Variants in PCDHGB5 observed in about 807,000 individuals in gnomAD.
The protein encoded by PCDHGB5 is protocadherin gamma subfamily B, 5, also known as protocadherin gamma-B5.
Under a neutral mutation model 62.9 loss-of-function variants are expected in PCDHGB5, and 48 were observed. That is an observed-to-expected ratio of 0.76 (90% CI 0.61 to 0.97). The LOEUF is 0.97. Ranked by LOEUF, PCDHGB5 falls within the 50% of genes least tolerant of loss-of-function variation. The pLI is 0.00. For missense variants in PCDHGB5, 1,118 were observed against 1,198.6 expected, an observed-to-expected ratio of 0.93 and a Z score of 0.99; for synonymous variants, 474 against 511.2, an observed-to-expected ratio of 0.93 and a Z score of 0.98.
chr5:141,486,150 G>T lies in PCDHGB5; in HGVS notation c.2398-8657G>T. The T allele has an allele frequency of 6.2e-7, 1 of 1,614,180 alleles. No individual in the cohort carries two copies. The highest frequency in any genetic ancestry group is 8.5e-7 in the Non-Finnish European group (1 of 1,180,030). On this transcript the variant is annotated intron_variant, in intron 1 of 3. Transcript: ENST00000617380. This position sits in a 1 kb window ranked among gnomAD's most constrained non-coding sequence, Gnocchi z 5.0. The stretch of plus-strand genomic sequence containing the variant: ...TTTGATGTGCGGGCTCGCGATGGGG[G>T]TTCTCCAGCCATGGAGCAACATTGC...
At position 141,431,495 on chromosome 5, in the gene PCDHGB5, G is replaced by A. The variant is rs557611439; in HGVS notation, c.2397+30971G>A. The A allele has an allele frequency of 4.3e-6, 7 of 1,613,864 alleles. No homozygotes were observed. The highest frequency in any genetic ancestry group is 1.1e-5 in the South Asian group (1 of 91,092). On this transcript the variant is annotated intron_variant, in intron 1 of 3. Coordinates refer to ENST00000617380, the MANE Select transcript of PCDHGB5 (RefSeq NM_018925.3). This position sits in a 1 kb window ranked among gnomAD's most constrained non-coding sequence, Gnocchi z 4.8. ...CAACGCACCAGCGTTTGCTCAGCCC[G>A]AGTACCGCGCGAGCGTTCCGGAGAA...
intron 1 of PCDHGB5, chr5:141,418,920 A>G: frequency 6.2e-7 from 1 of 1,613,992 alleles, no homozygotes; most frequent in Non-Finnish European, 8.5e-7. Flanking sequence ...TCACTCTCTG[A>G]TCAGATTATG....
chr5:141,457,301 CCAAA>C (rs1163780799), intron 1 of PCDHGB5, among the ~76,000 whole-genome samples: 1 of 152,090 alleles, frequency 6.6e-6, no homozygotes, highest in Non-Finnish European at 1.5e-5. Context: ...TTTTATTTTC[CCAAA>C]CAAAGAAACC....
rs755576652 is a variant in PCDHGB5 at position 141,410,511 on chromosome 5, G to A, written c.2397+9987G>A. 4.3e-6 allele frequency: 7 copies of A among 1,613,942 alleles called. No individual in the cohort carries two copies. In the Admixed American group the frequency reaches 8.3e-5, roughly 19 times the overall value. On this transcript the variant is annotated intron_variant, in intron 1 of 3. Transcript: ENST00000617380. ...AAAGAGTTTAATTTCCTAAAATGCA[G>A]TGTGCCCCTACATTCCAATGAAGAC... is the stretch of plus-strand genomic sequence containing the variant.
Position 141,399,447 on chromosome 5 carries a change from C to CAT in PCDHGB5, c.1320_1321insAT (p.Val441MetfsTer15). 6.2e-7 allele frequency: 1 copy of CAT among 1,614,006 alleles called. No individual in the cohort carries two copies. The highest frequency in any genetic ancestry group is 8.5e-7 in the Non-Finnish European group (1 of 1,179,884). Reference sequence around the variant, plus strand: ...TAAGCGTCATCCTACATATCAGAGACGTCAACGATAACGCTCCGGTTTTCC... The same window carrying CAT: ...TAAGCGTCATCCTACATATCAGAGACATGTCAACGATAACGCTCCGGTTTTCC... On this transcript the variant is annotated frameshift_variant, in exon 1 of 4. Coordinates refer to ENST00000617380, the MANE Select transcript of PCDHGB5 (RefSeq NM_018925.3). LOFTEE classifies it high-confidence loss of function.
chr5:141,406,331 C>T lies in PCDHGB5; in HGVS notation c.2397+5807C>T, dbSNP rs577134835. 6.6e-5 allele frequency among the ~76,000 whole-genome samples: 10 copies of T among 152,002 alleles called. No homozygotes were observed. In the East Asian group the frequency reaches 1.3e-3, roughly 21 times the overall value. ...CTCACCCAGCAAATTCTTACTCCTA[C>T]GATCATTTATTCAGGTCATACTATG... On this transcript the variant is annotated intron_variant, in intron 1 of 3. Coordinates refer to ENST00000617380, the MANE Select transcript of PCDHGB5 (RefSeq NM_018925.3).
intron 1 of PCDHGB5, chr5:141,419,373 TGTCC>T (rs761256298): frequency 6.2e-7 from 1 of 1,613,754 alleles, no homozygotes; most frequent in South Asian, 1.1e-5. Context: ...TCGTCCTACG[TGTCC>T]GTGAGCGCGC....
intron 1 of PCDHGB5, among the ~76,000 whole-genome samples, chr5:141,406,353 T>G (rs1380718525): frequency 6.6e-6 from 1 of 152,196 alleles, no homozygotes; most frequent in Admixed American, 6.5e-5. Context: ...CAGGTCATAC[T>G]ATGTTTGTAA....
At chr5:141,504,660 C>T (rs1002186811) in intron 2 of PCDHGB5, among the ~76,000 whole-genome samples, 8 of 101,980 alleles carry the variant, frequency 7.8e-5, no homozygotes, top group Admixed American at 5.7e-4. Flanking sequence ...TGTTTGAGGG[C>T]GGGGGGTGGG....
Position 141,485,609 on chromosome 5 carries a change from G to C in PCDHGB5, c.2398-9198G>C, listed in dbSNP as rs1432367043. On this transcript the variant is annotated intron_variant, in intron 1 of 3. Coordinates refer to ENST00000617380, the MANE Select transcript of PCDHGB5 (RefSeq NM_018925.3). The surrounding 1 kb of genome is among the most constrained non-coding windows in gnomAD (Gnocchi z 5.7). ...GCTGGACTTGGAAATTGGGGAGGCA[G>C]CTCCTCCAGGACAGCGTTTCCCGTT... The C allele has an allele frequency of 1.2e-6, 2 of 1,612,138 alleles. No homozygotes were observed. Among genetic ancestry groups the C allele is most frequent in the Non-Finnish European group, 1.7e-6 (2 of 1,178,664 alleles).
chr5:141,451,001 A>T (rs909477017), intron 1 of PCDHGB5, among the ~76,000 whole-genome samples: 2 of 148,266 alleles, frequency 1.3e-5, no homozygotes, highest in Middle Eastern at 3.4e-3. Context: ...ATTTTTTTGT[A>T]TTTTTTTTAG....
intron 1 of PCDHGB5, among the ~76,000 whole-genome samples, chr5:141,449,978 T>A (rs1025332419): frequency 6.6e-6 from 1 of 151,030 alleles, no homozygotes; most frequent in Non-Finnish European, 1.5e-5. Context: ...GTCCAAAATA[T>A]CACACATTGC....
rs1408938686 is a variant in PCDHGB5 at position 141,398,777 on chromosome 5, G to A, written c.650G>A (p.Gly217Asp). The change falls in exon 1 of 4, where the codon GGT (glycine) becomes GAT (aspartate). Residue 217 changes from glycine (G) to aspartate (D), a missense_variant. Physicochemically the swap from Gly to Asp is moderately conservative, Grantham distance 94 (BLOSUM62 -1). Transcript: ENST00000617380. ...CGTTTAGTCCTGACTGCCTTGGACG[G>A]TGGACATCCACCCCTAAGCGGCACC... is the stretch of plus-strand genomic sequence containing the variant. ...YHRLVLTALD[G>D]GHPPLSGTTE... The A allele has an allele frequency of 3.1e-6, 5 of 1,613,902 alleles. 1 individual carries two copies. The South Asian group carries it at 3.3e-5, about 11-fold the overall frequency.
At chr5:141,421,889 C>T (rs1280668349) in intron 1 of PCDHGB5, 5 of 1,613,574 alleles carry the variant, frequency 3.1e-6, no homozygotes, top group African/African-American at 1.3e-5. Flanking sequence ...GGAGGCGATC[C>T]CATCCGAAAG....
rs759647406 is a variant in PCDHGB5 at position 141,493,849 on chromosome 5, A to G, written c.2398-958A>G. Among the ~76,000 whole-genome samples the G allele has an allele frequency of 6.6e-6, 1 of 152,178 alleles. No individual in the cohort carries two copies. The highest frequency in any genetic ancestry group is 1.5e-5 in the Non-Finnish European group (1 of 68,028). ...CTGGGAGCAAGTATGAGTATTAATT[A>G]CCAGCCCACCCCAGAACCAGTGAGG... On this transcript the variant is annotated intron_variant, in intron 1 of 3. Coordinates refer to ENST00000617380, the MANE Select transcript of PCDHGB5 (RefSeq NM_018925.3). The surrounding 1 kb of genome is among the most constrained non-coding windows in gnomAD (Gnocchi z 4.3).
Position 141,511,908 on chromosome 5 carries a change from A to T in PCDHGB5, c.*735A>T, listed in dbSNP as rs528200582. The T allele has an allele frequency of 4.5e-5, 7 of 156,536 alleles. No homozygotes were observed. The highest frequency in any genetic ancestry group is 1.9e-4 in the East Asian group (1 of 5,250). The allele number at this position is 156,536 out of a possible 1,614,324, so 9.7% of individuals were successfully genotyped here. A position where few individuals can be genotyped will look rare whatever the true frequency, so the allele number is the denominator to read the frequency against. On this transcript the variant is annotated 3_prime_UTR_variant, in exon 4 of 4. Transcript: ENST00000617380. ...GACTTCCCCCACCTCCTCCTCAAAC[A>T]AGAGACTCCACTGCATGTTCCAAGA...
chr5:141,498,673 T>C (rs1158071657), intron 2 of PCDHGB5, among the ~76,000 whole-genome samples: 1 of 152,180 alleles, frequency 6.6e-6, no homozygotes, highest in Non-Finnish European at 1.5e-5. Flanking sequence ...GGCTCACGCC[T>C]GTAATCCCAG....
chr5:141,430,659 G>A, intron 1 of PCDHGB5: 1 of 1,110,600 alleles, frequency 9.0e-7, no homozygotes, highest in Non-Finnish European at 1.2e-6. Context: ...AACAACGGAG[G>A]AGCTCTGACT....
chr5:141,449,283 A>C (rs937339676), intron 1 of PCDHGB5, among the ~76,000 whole-genome samples: 1 of 152,102 alleles, frequency 6.6e-6, no homozygotes, highest in African/African-American at 2.4e-5. Flanking sequence ...CTTCACCCGG[A>C]TGCACCGGGT....
Sources: gnomAD v4.1 joint callset for allele counts (sites outside exome capture counted in the v4.1 genomes callset) on GRCh38, gnomAD v4.1.1 for gene constraint, Gnocchi (gnomAD v3.1) non-coding constraint, MANE v1.5 for transcripts, NCBI Gene and HGNC (gene_info 2026-07-23, HGNC 2026-07-21) for gene names.